The following TSPAN18 variants were observed in gnomAD, a reference collection of about 807,000 sequenced individuals.
TSPAN18 encodes the protein tetraspanin-18.
A neutral mutation model predicts 27.3 loss-of-function variants in TSPAN18; 14 were observed. The observed-to-expected ratio is 0.51, with a 90% CI of 0.34 to 0.80. The LOEUF (loss-of-function observed/expected upper bound fraction) is 0.80. TSPAN18 is among the 30% of genes least tolerant of loss of function. TSPAN18 has a pLI of 0.01. For missense variants in TSPAN18, 268 were observed against 323.9 expected, an observed-to-expected ratio of 0.83 and a Z score of 1.32; for synonymous variants, 143 against 136.5, an observed-to-expected ratio of 1.05 and a Z score of -0.33.
At chr11:44,914,328 C>G (rs889398505) in intron 5 of TSPAN18, among the ~76,000 whole-genome samples, 1 of 152,224 alleles carries the variant, frequency 6.6e-6, no homozygotes, top group African/African-American at 2.4e-5. Flanking sequence ...GGCTCTAACT[C>G]CTGCTCTGTC....
chr11:44,926,557 G>A (rs192612253), intron 8 of TSPAN18, 117 bp from the exon 9 acceptor site: 174 of 898,456 alleles, frequency 1.9e-4, no homozygotes, highest in Non-Finnish European at 3.1e-4. Flanking sequence ...CTCAGCAGCC[G>A]TGTGATAGGG....
At chr11:44,825,520 C>T (rs1857021025) in intron 2 of TSPAN18, among the ~76,000 whole-genome samples, 1 of 152,144 alleles carries the variant, frequency 6.6e-6, no homozygotes, top group African/African-American at 2.4e-5. Context: ...CTCTCAGGCT[C>T]CAGCAGAGGC....
At chr11:44,796,253 C>G (rs928026141) in intron 2 of TSPAN18, among the ~76,000 whole-genome samples, 1 of 152,184 alleles carries the variant, frequency 6.6e-6, no homozygotes, top group Non-Finnish European at 1.5e-5. Context: ...TTAGAGTTCA[C>G]TGGCAAGCGA....
At chr11:44,893,745 C>T (rs1360582596) in intron 3 of TSPAN18, among the ~76,000 whole-genome samples, 5 of 152,162 alleles carry the variant, frequency 3.3e-5, no homozygotes, top group African/African-American at 1.2e-4. Context: ...CTTTGTAGAG[C>T]TTTTTGGAGG....
intron 3 of TSPAN18, among the ~76,000 whole-genome samples, chr11:44,887,048 C>T (rs1269945007): frequency 6.6e-6 from 1 of 152,148 alleles, no homozygotes; most frequent in African/African-American, 2.4e-5. Context: ...CTGGGGAGGA[C>T]TTGGACAAAG....
rs115268383 is a variant in TSPAN18, at chr11:44,752,588, G to A, written c.-239-11838G>A. On this transcript the variant is annotated intron_variant, in intron 1 of 9. Transcript: ENST00000520358. The stretch of plus-strand genomic sequence containing the variant: ...AGTTTGTGTGTGTGTGTGTGTGCAC[G>A]TGCACATGTATGCATACATATATCT... 4.6e-3 allele frequency among the ~76,000 whole-genome samples: 703 copies of A among 152,246 alleles called. 6 individuals carry two copies. Among genetic ancestry groups the A allele is most frequent in the African/African-American group, 0.016 (677 of 41,546 alleles).
At chr11:44,898,964 C>T (rs1212227118) in intron 3 of TSPAN18, among the ~76,000 whole-genome samples, 1 of 152,212 alleles carries the variant, frequency 6.6e-6, no homozygotes, top group African/African-American at 2.4e-5. Context: ...TTGTATTAGA[C>T]ACCCATCTGT....
In TSPAN18 at chr11:44,916,758, C is replaced by T. The variant is rs138613208; in HGVS notation, c.259-1214C>T. 8.1e-3 allele frequency among the ~76,000 whole-genome samples: 1,233 copies of T among 152,232 alleles called. 23 individuals are homozygous for T. The highest frequency in any genetic ancestry group is 0.028 in the African/African-American group (1,156 of 41,550). ...CAGGCAGGCAGGCAGGCGGTCCTAA[C>T]GACTGGGACCCCAGAGAGCAGGTCT... On this transcript the variant is annotated intron_variant, in intron 5 of 9. Transcript: ENST00000520358.
chr11:44,896,118 G>A (rs1251667906), intron 3 of TSPAN18, among the ~76,000 whole-genome samples: 1 of 152,160 alleles, frequency 6.6e-6, no homozygotes, highest in Non-Finnish European at 1.5e-5. Context: ...GGCTGACTGG[G>A]TGGATTGAGG....
chr11:44,806,056 T>TC (rs1358230423), intron 2 of TSPAN18, among the ~76,000 whole-genome samples: 5 of 151,230 alleles, frequency 3.3e-5, no homozygotes, highest in Non-Finnish European at 7.4e-5. Context: ...TTTTTTTTTT[T>TC]TGGAGTCTCG....
intron 2 of TSPAN18, among the ~76,000 whole-genome samples, chr11:44,768,901 T>A (rs1855627691): frequency 6.7e-6 from 1 of 149,254 alleles, no homozygotes; most frequent in Admixed American, 6.7e-5. Context: ...GATTTTTTTT[T>A]TTTTTTTTTT....
chr11:44,891,122 G>T (rs554601276), intron 3 of TSPAN18, among the ~76,000 whole-genome samples: 1 of 152,312 alleles, frequency 6.6e-6, no homozygotes, highest in Admixed American at 6.5e-5. Context: ...AGTGAGCCAT[G>T]ATCATGCCAC....
intron 2 of TSPAN18, among the ~76,000 whole-genome samples, chr11:44,803,682 T>C (rs1590498389): frequency 6.6e-6 from 1 of 151,992 alleles, no homozygotes; most frequent in Non-Finnish European, 1.5e-5. Flanking sequence ...ATGCAGGAGG[T>C]AGCAGGACAA....
chr11:44,787,427 G>T (rs1444369326), intron 2 of TSPAN18, among the ~76,000 whole-genome samples: 1 of 152,170 alleles, frequency 6.6e-6, no homozygotes. Context: ...AGTCATGGGT[G>T]GTGCAGAGCT....
intron 3 of TSPAN18, among the ~76,000 whole-genome samples, chr11:44,877,625 G>C (rs1296830092): frequency 6.6e-6 from 1 of 152,122 alleles, no homozygotes; most frequent in Non-Finnish European, 1.5e-5. Flanking sequence ...GGGAGGGGAC[G>C]GGGAGAAACA....
chr11:44,906,282 G>C, intron 3 of TSPAN18, 125 bp from the exon 4 acceptor site: 1 of 840,978 alleles, frequency 1.2e-6, no homozygotes, highest in South Asian at 1.4e-5. Flanking sequence ...CTCTATCATC[G>C]GCCTCCATCT....
In TSPAN18 at chr11:44,919,981, C is replaced by A; in HGVS notation, c.597C>A (p.Ser199Arg). ...GGGAGGAGTGCCTCCTGGGAAGGAG[C>A]CTATTCCTAAACAAGCAGGTACTGG... ...LSREECLLGRSLFLNKQGCYT... is the reference protein window; with the variant it reads ...LSREECLLGRRLFLNKQGCYT... Residue 199 changes from serine to arginine, a missense_variant, in exon 8 of 10, where the codon AGC becomes AGA. Physicochemically the swap from Ser to Arg is moderately radical, Grantham distance 110. Transcript: ENST00000520358. 6.2e-7 allele frequency: 1 copy of A among 1,613,540 alleles called. No individual in the cohort carries two copies. Among genetic ancestry groups the A allele is most frequent in the Non-Finnish European group, 8.5e-7 (1 of 1,179,720 alleles).
intron 3 of TSPAN18, among the ~76,000 whole-genome samples, chr11:44,866,639 G>A (rs931645823): frequency 1.3e-5 from 2 of 152,168 alleles, no homozygotes; most frequent in South Asian, 2.1e-4. Flanking sequence ...GAGCTGTTCC[G>A]GGAACAGGGC....
At chr11:44,727,836 T>C (rs1854554469) in intron 1 of TSPAN18, among the ~76,000 whole-genome samples, 1 of 152,106 alleles carries the variant, frequency 6.6e-6, no homozygotes, top group African/African-American at 2.4e-5. Context: ...GGACCCCCCT[T>C]ATTCCTTAGG....
Sources: gnomAD v4.1 joint callset for allele counts (sites outside exome capture counted in the v4.1 genomes callset) on GRCh38, gnomAD v4.1.1 for gene constraint, MANE v1.5 for transcripts, NCBI Gene and HGNC (gene_info 2026-07-23, HGNC 2026-07-21) for gene names.